Variants in NFASC observed in about 807,000 individuals in gnomAD.
The protein encoded by NFASC is neurofascin homolog.
In NFASC, 43 loss-of-function variants were observed where a neutral mutation model predicts 147.5. That is an observed-to-expected ratio of 0.29 (90% CI 0.23 to 0.38). The LOEUF (loss-of-function observed/expected upper bound fraction) is 0.38, where lower values mean the gene tolerates loss of function less well. Among genes scored for constraint, NFASC ranks in the 10% least tolerant of loss-of-function variants. NFASC has a pLI of 1.00. For synonymous variants in NFASC, 622 were observed against 665.5 expected (o/e 0.93, Z 1.01); for missense variants, 1,320 against 1,689.0 (o/e 0.78, Z 3.83).
chr1:204,981,753 G>A (rs1165593497), intron 20 of NFASC, 45 bp from the exon 21 acceptor site: 5 of 1,303,782 alleles, frequency 3.8e-6, no homozygotes, highest in Non-Finnish European at 3.2e-6. Flanking sequence ...GTGGATCTGG[G>A]CCCCTCTCTG....
intron 3 of NFASC, among the ~76,000 whole-genome samples, chr1:204,945,710 A>G (rs1047762685): frequency 4.6e-5 from 7 of 152,044 alleles, no homozygotes; most frequent in Admixed American, 2.0e-4. Context: ...GGGAGGGAGG[A>G]GAGGAGAGTT....
At chr1:204,835,213 CTTTTT>C (rs1001302661) in intron 1 of NFASC, among the ~76,000 whole-genome samples, 2,050 of 80,506 alleles carry the variant, frequency 0.025, 21 homozygotes, top group East Asian at 0.094. Flanking sequence ...TGAGGTGGGT[CTTTTT>C]TTTTTTTTTT....
In NFASC at chr1:204,860,851, T is replaced by C. The variant is rs117292867; in HGVS notation, c.-200+32069T>C. ...GAATCATATAATATATGGCCTTTTGTGGACTTAGTATCATGTCTTCAAGGT... is the reference window on the plus strand; with the variant it reads ...GAATCATATAATATATGGCCTTTTGCGGACTTAGTATCATGTCTTCAAGGT... On this transcript the variant is annotated intron_variant, in intron 1 of 29. Transcript: ENST00000339876. Among the ~76,000 whole-genome samples, 7 of 152,320 alleles carry C rather than the reference T, an allele frequency of 4.6e-5. No homozygotes were observed. The East Asian group carries it at 1.4e-3, about 29-fold the overall frequency.
chr1:204,976,602 A>C lies in NFASC; in HGVS notation c.1707-69A>C, dbSNP rs530332029. 1.7e-5 allele frequency: 21 copies of C among 1,209,896 alleles called. No homozygotes were observed. In the African/African-American group the frequency reaches 3.0e-4, roughly 17 times the overall value. The allele number at this position is 1,209,896 out of a possible 1,614,324, so 74.9% of individuals were successfully genotyped here. A position where few individuals can be genotyped will look rare whatever the true frequency, so the allele number is the denominator to read the frequency against. On this transcript the variant is annotated intron_variant, in intron 15 of 29. Coordinates refer to ENST00000339876, the MANE Select transcript of NFASC (RefSeq NM_001005388.3). ...CCTGACTCGAGAACCCCCTCTAGGG[A>C]GAAAGCAATGGGCAGGACTCAGCAC...
At chr1:204,951,243 G>GATTC (rs1263828952) in intron 4 of NFASC, among the ~76,000 whole-genome samples, 1 of 150,250 alleles carries the variant, frequency 6.7e-6, no homozygotes, top group Non-Finnish European at 1.5e-5. Flanking sequence ...CAGCCTCCTG[G>GATTC]ATTCAAGTGA....
At chr1:204,872,135 C>T (rs1001546046) in intron 1 of NFASC, among the ~76,000 whole-genome samples, 1 of 152,214 alleles carries the variant, frequency 6.6e-6, no homozygotes, top group Non-Finnish European at 1.5e-5. Flanking sequence ...AGTATTGCCT[C>T]CCTGGCTCAG....
At chr1:204,981,277 G>C (rs141837983) in intron 20 of NFASC, among the ~76,000 whole-genome samples, 1 of 152,360 alleles carries the variant, frequency 6.6e-6, no homozygotes, top group East Asian at 1.9e-4. Flanking sequence ...CAGGCCCTTA[G>C]AAAATAAAGA....
chr1:205,001,044 T>G (rs191137093), intron 25 of NFASC, 126 bp from the exon 26 acceptor site: 31 of 699,082 alleles, frequency 4.4e-5, no homozygotes, highest in Non-Finnish European at 7.4e-5. Flanking sequence ...TGACTGTGTG[T>G]ACATGTGTGC....
intron 1 of NFASC, among the ~76,000 whole-genome samples, chr1:204,854,698 C>T (rs995393151): frequency 2.6e-5 from 4 of 152,346 alleles, no homozygotes; most frequent in African/African-American, 9.6e-5. Flanking sequence ...ACTTTCTGCT[C>T]CTTTCACTTG....
chr1:204,876,703 T>G (rs2078858869), intron 1 of NFASC, among the ~76,000 whole-genome samples: 1 of 152,074 alleles, frequency 6.6e-6, no homozygotes, highest in Admixed American at 6.6e-5. Context: ...CATACAGTAT[T>G]TGTGCTTTTG....
At position 204,832,806 on chromosome 1, in the gene NFASC, G is replaced by A. The variant is rs570014210; in HGVS notation, c.-200+4024G>A. ...TGAGGTTAGATGAATTCCTGGTGTT[G>A]TAGGAGCATGGCTGAGGGGTCATAG... On this transcript the variant is annotated intron_variant, in intron 1 of 29. Transcript: ENST00000339876. Among the ~76,000 whole-genome samples the A allele has an allele frequency of 6.6e-5, 10 of 152,366 alleles. No homozygotes were observed. The East Asian group carries it at 1.7e-3, about 26-fold the overall frequency.
intron 2 of NFASC, among the ~76,000 whole-genome samples, chr1:204,939,387 A>G (rs1488451699): frequency 6.6e-6 from 1 of 152,188 alleles, no homozygotes; most frequent in Non-Finnish European, 1.5e-5. Context: ...CTGTGACTCA[A>G]GGAAGCACCT....
intron 1 of NFASC, among the ~76,000 whole-genome samples, chr1:204,914,120 A>C (rs1380896833): frequency 6.6e-6 from 1 of 152,226 alleles, no homozygotes. Context: ...CCTCTTATAG[A>C]GAAGGAGTTT....
At chr1:204,844,974 C>A (rs1172109647) in intron 1 of NFASC, among the ~76,000 whole-genome samples, 1 of 151,978 alleles carries the variant, frequency 6.6e-6, no homozygotes, top group Non-Finnish European at 1.5e-5. Flanking sequence ...TCTTAGTGCA[C>A]CTGAAGAGAA....
At chr1:204,993,147 C>T (rs551329615) in intron 24 of NFASC, among the ~76,000 whole-genome samples, 2 of 152,336 alleles carry the variant, frequency 1.3e-5, no homozygotes, top group African/African-American at 4.8e-5. Context: ...CTGCTGTCTT[C>T]CCTCTCGTCC....
At chr1:204,858,045 A>G (rs1489690760) in intron 1 of NFASC, among the ~76,000 whole-genome samples, 2 of 149,118 alleles carry the variant, frequency 1.3e-5, no homozygotes, top group Non-Finnish European at 1.5e-5. Context: ...TCAGCCTCCC[A>G]AGTAGCTAGG....
intron 1 of NFASC, among the ~76,000 whole-genome samples, chr1:204,857,916 C>CTTTTTTTTTTTTT (rs777663775): frequency 3.0e-5 from 4 of 133,692 alleles, no homozygotes; most frequent in Admixed American, 7.9e-5. Flanking sequence ...CCTTCTTCTT[C>CTTTTTTTTTTTTT]TTCTTTTTTT....
At chr1:204,961,458 C>T (rs1000703062) in intron 8 of NFASC, among the ~76,000 whole-genome samples, 3 of 152,228 alleles carry the variant, frequency 2.0e-5, no homozygotes, top group African/African-American at 2.4e-5. Context: ...GAACCTCTCC[C>T]GGCATCCTCA....
chr1:204,846,238 T>C (rs946487013), intron 1 of NFASC, among the ~76,000 whole-genome samples: 3 of 151,144 alleles, frequency 2.0e-5, no homozygotes, highest in Non-Finnish European at 2.9e-5. Flanking sequence ...GTAAGGAGAC[T>C]GACACAAGAA....
Sources: gnomAD v4.1 joint callset for allele counts (sites outside exome capture counted in the v4.1 genomes callset) on GRCh38, gnomAD v4.1.1 for gene constraint, MANE v1.5 for transcripts, NCBI Gene and HGNC (gene_info 2026-07-23, HGNC 2026-07-21) for gene names.